The following RPS6KA2 variants were observed in gnomAD, a reference collection of about 807,000 sequenced individuals.
RPS6KA2 encodes the protein ribosomal protein S6 kinase A2.
RPS6KA2 carries 42 observed loss-of-function variants against 91.8 expected under a neutral mutation model. The ratio of observed to expected loss-of-function variants is 0.46; its 90% CI spans 0.36 to 0.59. The LOEUF is 0.59. RPS6KA2 is among the 20% of genes least tolerant of loss of function. RPS6KA2 has a pLI of 0.00. For missense variants in RPS6KA2, 798 were observed against 978.5 expected (o/e 0.82, Z 2.46); for synonymous variants, 414 against 393.6 (o/e 1.05, Z -0.61).
At chr6:166,488,790 C>T (rs1347244508) in intron 10 of RPS6KA2, 43 bp downstream of exon 10, 7 of 1,467,492 alleles carry the variant, frequency 4.8e-6, no homozygotes, top group Middle Eastern at 2.3e-4. Context: ...TGCGGGGCAG[C>T]GCCCTGCACG....
intron 2 of RPS6KA2, among the ~76,000 whole-genome samples, chr6:166,787,161 G>A (rs895020709): frequency 6.6e-6 from 1 of 152,096 alleles, no homozygotes; most frequent in Non-Finnish European, 1.5e-5. Flanking sequence ...TAACTTCTAG[G>A]AGTTTATCCA....
intron 2 of RPS6KA2, among the ~76,000 whole-genome samples, chr6:166,727,690 C>G (rs1321953166): frequency 1.3e-5 from 2 of 152,142 alleles, no homozygotes; most frequent in African/African-American, 4.8e-5. Context: ...CCTAAGTCAC[C>G]AGCACCCTAA....
At chr6:166,432,558 A>G in intron 14 of RPS6KA2, 68 bp from the exon 15 acceptor site, 1 of 957,726 alleles carries the variant, frequency 1.0e-6, no homozygotes, top group Non-Finnish European at 1.7e-6. Context: ...CTGCTGGTGG[A>G]CCATTGAGTT....
At position 166,612,635 on chromosome 6, in the gene RPS6KA2, G is replaced by A. The variant is rs138324414; in HGVS notation, c.99+14286C>T. ...GGTCAGACACTGCTTTGCAGAGCCC[G>A]TGGGCTGTGCTCCATTTATCACTCT... On this transcript the variant is annotated intron_variant, in intron 1 of 20. Coordinates refer to ENST00000265678, the MANE Select transcript of RPS6KA2 (RefSeq NM_021135.6). The surrounding 1 kb of genome is among the most constrained non-coding windows in gnomAD (Gnocchi z 4.3). Among the ~76,000 whole-genome samples the A allele has an allele frequency of 4.6e-5, 7 of 152,310 alleles. No individual in the cohort carries two copies. In the East Asian group the frequency reaches 5.8e-4, roughly 13 times the overall value.
At chr6:166,432,525 T>A in intron 14 of RPS6KA2, 35 bp from the exon 15 acceptor site, 1 of 1,392,490 alleles carries the variant, frequency 7.2e-7, no homozygotes. Context: ...GTGAGGGGTC[T>A]ACTTTAGGCT....
At position 166,459,587 on chromosome 6, in the gene RPS6KA2, G is replaced by C; in HGVS notation, c.973-36C>G. 6.7e-7 allele frequency: 1 copy of C among 1,484,718 alleles called. No homozygotes were observed. Among genetic ancestry groups the C allele is most frequent in the Non-Finnish European group, 9.4e-7 (1 of 1,065,438 alleles). 92.0% of individuals were successfully genotyped at this position (1,484,718 alleles called of 1,614,324 possible). On this transcript the variant is annotated intron_variant, in intron 11 of 20. Coordinates refer to ENST00000265678, the MANE Select transcript of RPS6KA2 (RefSeq NM_021135.6). This position sits in a 1 kb window ranked among gnomAD's most constrained non-coding sequence, Gnocchi z 4.9. Reference sequence around the variant, plus strand: ...AAGGAAAGCAAGACAGGGCACTGAGGATGCACAGACATTGCCACAGAACAC... The same window carrying C: ...AAGGAAAGCAAGACAGGGCACTGAGCATGCACAGACATTGCCACAGAACAC...
chr6:166,618,729 C>T (rs1005270444), intron 1 of RPS6KA2, among the ~76,000 whole-genome samples: 10 of 152,232 alleles, frequency 6.6e-5, no homozygotes, highest in Non-Finnish European at 1.2e-4. Flanking sequence ...GCGTCTCAGA[C>T]GTACATCTCT....
In RPS6KA2 at chr6:166,637,107, T is replaced by C. The variant is rs950133832; in HGVS notation, c.124-98323A>G. 2.6e-5 allele frequency among the ~76,000 whole-genome samples: 4 copies of C among 152,056 alleles called. No homozygotes were observed. In the South Asian group the frequency reaches 8.3e-4, roughly 32 times the overall value. On this transcript the variant is annotated intron_variant, in intron 2 of 21. Transcript: ENST00000503859. ...TTGTTGTAGCCCAGGCAGGATGACT[T>C]TGTGGGGCCCCTTGGGGAGTGCTGA...
chr6:166,708,716 C>G (rs1257484768), intron 2 of RPS6KA2, among the ~76,000 whole-genome samples: 1 of 152,184 alleles, frequency 6.6e-6, no homozygotes, highest in African/African-American at 2.4e-5. Context: ...TTTACTAGTA[C>G]TATTTACAGT....
intron 2 of RPS6KA2, among the ~76,000 whole-genome samples, chr6:166,836,699 G>A (rs569297639): frequency 3.8e-4 from 58 of 152,246 alleles, no homozygotes; most frequent in Middle Eastern, 3.4e-3. Context: ...TTCAAGTCTC[G>A]TCTGTTGGTT....
chr6:166,617,575 A>G (rs1196998820), intron 1 of RPS6KA2, among the ~76,000 whole-genome samples: 1 of 152,186 alleles, frequency 6.6e-6, no homozygotes, highest in Non-Finnish European at 1.5e-5. Flanking sequence ...GACTTACGCG[A>G]CGGTTTTAAT....
chr6:166,549,979 G>T (rs989589807), intron 1 of RPS6KA2, among the ~76,000 whole-genome samples: 4 of 152,098 alleles, frequency 2.6e-5, no homozygotes, highest in African/African-American at 9.7e-5. Flanking sequence ...ATGGTAAAAA[G>T]TGATTTTTAA....
upstream of RPS6KA2, among the ~76,000 whole-genome samples, chr6:166,631,432 C>A (rs1475389814): frequency 2.6e-5 from 4 of 152,252 alleles, no homozygotes; most frequent in African/African-American, 9.6e-5. Context: ...CCCATCCAAC[C>A]TGGGTAGGAA....
intron 13 of RPS6KA2, among the ~76,000 whole-genome samples, chr6:166,449,246 C>T (rs1779774196): frequency 1.3e-5 from 2 of 152,156 alleles, no homozygotes; most frequent in African/African-American, 4.8e-5. Flanking sequence ...AATCTGACTC[C>T]ATGGTGTCCA....
At chr6:166,769,290 C>T (rs1778402464) in intron 2 of RPS6KA2, among the ~76,000 whole-genome samples, 1 of 152,216 alleles carries the variant, frequency 6.6e-6, no homozygotes, top group Admixed American at 6.5e-5. Context: ...AAACACAGTT[C>T]ATCACACATT....
intron 5 of RPS6KA2, among the ~76,000 whole-genome samples, chr6:166,505,597 AAC>A (rs1329095447): frequency 1.3e-5 from 2 of 152,240 alleles, no homozygotes; most frequent in Non-Finnish European, 2.9e-5. Context: ...CTGCCCGGCA[AAC>A]ACAAAATTAG....
chr6:166,855,535 T>A (rs1225710313), intron 2 of RPS6KA2, among the ~76,000 whole-genome samples: 1 of 152,020 alleles, frequency 6.6e-6, no homozygotes, highest in Non-Finnish European at 1.5e-5. Flanking sequence ...GTTTTGTGAT[T>A]GTGGTTCAGA....
intron 1 of RPS6KA2, among the ~76,000 whole-genome samples, chr6:166,553,719 T>C (rs963908445): frequency 9.2e-5 from 14 of 152,252 alleles, no homozygotes; most frequent in African/African-American, 3.1e-4. Flanking sequence ...ATACCATTGC[T>C]GAGCCAAACA....
chr6:166,601,039 A>G (rs1785713328), intron 1 of RPS6KA2, among the ~76,000 whole-genome samples: 1 of 152,242 alleles, frequency 6.6e-6, no homozygotes, highest in South Asian at 2.1e-4. Context: ...GAAGAATTAG[A>G]AGTGTTAAAA....
Sources: allele counts gnomAD v4.1 joint callset (sites outside exome capture counted in the v4.1 genomes callset), GRCh38; gene constraint gnomAD v4.1.1; non-coding constraint Gnocchi (gnomAD v3.1); transcripts MANE v1.5; gene names NCBI Gene and HGNC (gene_info 2026-07-23, HGNC 2026-07-21).